THOC5: variants seen among roughly 807,000 people sequenced by gnomAD.
THOC5 encodes Fms-interacting protein.
Under a neutral mutation model 92.9 loss-of-function variants are expected in THOC5, and 43 were observed. That is an observed-to-expected ratio of 0.46 (90% CI 0.36 to 0.60). The LOEUF (loss-of-function observed/expected upper bound fraction) is 0.60. Ranked by LOEUF, THOC5 falls within the 20% of genes least tolerant of loss-of-function variation. THOC5 has a pLI of 0.00. For missense variants in THOC5, 659 were observed against 849.4 expected, an observed-to-expected ratio of 0.78 and a Z score of 2.79; for synonymous variants, 296 against 320.1, an observed-to-expected ratio of 0.92 and a Z score of 0.80.
chr22:29,544,577 G>A lies in THOC5; in HGVS notation c.123C>T (p.Ala41=), dbSNP rs760816688. Residue 41 remains alanine (A), a synonymous_variant, in exon 3 of 20, where the codon GCC becomes GCT. Coordinates refer to ENST00000490103, the MANE Select transcript of THOC5 (RefSeq NM_003678.5). ...EQEGKYYSEE[A]EVDLRDPGRD... ...TGCCAGGGTCCCGCAGATCCACCTC[G>A]GCCTCCTCACTGTAGTATTTACCTT... 31 of 1,612,898 alleles carry A rather than the reference G, an allele frequency of 1.9e-5. No homozygotes were observed. The highest frequency in any genetic ancestry group is 2.5e-5 in the Non-Finnish European group (30 of 1,179,498).
At chr22:29,521,206 C>A in intron 12 of THOC5, 107 bp from the exon 13 acceptor site, 1 of 797,066 alleles carries the variant, frequency 1.3e-6, no homozygotes, top group Non-Finnish European at 2.1e-6. Flanking sequence ...ATGACCAATG[C>A]CACCATTTAT....
intron 17 of THOC5, among the ~76,000 whole-genome samples, chr22:29,515,642 C>T (rs866839896): frequency 2.9e-5 from 3 of 104,774 alleles, no homozygotes; most frequent in African/African-American, 1.2e-4. Flanking sequence ...GCCTGGGCAA[C>T]AAAGCAAGAC....
chr22:29,508,728 C>G (rs1454508365), intron 19 of THOC5, among the ~76,000 whole-genome samples: 1 of 152,112 alleles, frequency 6.6e-6, no homozygotes, highest in Non-Finnish European at 1.5e-5. Flanking sequence ...TGAACACAAA[C>G]TTGGAAAGGC....
chr22:29,517,360 C>T lies in THOC5; in HGVS notation c.1496G>A (p.Gly499Asp), dbSNP rs1186605360. 2 of 1,613,738 alleles carry T rather than the reference C, an allele frequency of 1.2e-6. No individual in the cohort carries two copies. Among genetic ancestry groups the T allele is most frequent in the Non-Finnish European group, 1.7e-6 (2 of 1,179,870 alleles). The part of the protein sequence containing the change: ...LHKQFASLEH[G>D]IVPVTSDCQY... ...GCAATCACTGGTAACTGGCACAATG[C>T]CATGTTCTAAAAGAGAACAAGACAG... Residue 499 changes from glycine to aspartate, a missense_variant, in exon 16 of 20, where the codon GGC becomes GAC. Coordinates refer to ENST00000490103, the MANE Select transcript of THOC5 (RefSeq NM_003678.5).
At chr22:29,550,107 G>A (rs970062052) in intron 1 of THOC5, among the ~76,000 whole-genome samples, 2 of 152,084 alleles carry the variant, frequency 1.3e-5, no homozygotes, top group African/African-American at 4.8e-5. Flanking sequence ...ATACTACTGT[G>A]ATCACTGTGT....
At chr22:29,539,212 A>C (rs1056475684) in intron 6 of THOC5, 118 bp downstream of exon 6, 1 of 1,073,828 alleles carries the variant, frequency 9.3e-7, no homozygotes, top group Admixed American at 2.3e-5. Flanking sequence ...TAATCATAAA[A>C]TGGGATTTGG....
In THOC5 at chr22:29,519,058, CAGA is replaced by C; in HGVS notation, c.1434_1436del (p.Leu479del). On this transcript the variant is annotated inframe_deletion, in exon 15 of 20. Coordinates refer to ENST00000490103, the MANE Select transcript of THOC5 (RefSeq NM_003678.5). ...CCAGGCGGGACTGCACCCTGGTCTT[CAGA>C]AGTTTCATGGTGGTCTCCATGTGGC... 6.2e-7 allele frequency: 1 copy of C among 1,611,294 alleles called. No homozygotes were observed. The highest frequency in any genetic ancestry group is 8.5e-7 in the Non-Finnish European group (1 of 1,178,772).
At chr22:29,529,106 T>C (rs2063601967) in intron 9 of THOC5, 56 bp downstream of exon 9, 1 of 1,550,550 alleles carries the variant, frequency 6.4e-7, no homozygotes, top group Admixed American at 1.7e-5. Context: ...AGACCAGGAC[T>C]GCCCTTGGAT....
chr22:29,536,332 T>G (rs1200657366), intron 7 of THOC5: 2 of 290,108 alleles, frequency 6.9e-6, no homozygotes, highest in Non-Finnish European at 6.4e-6. Flanking sequence ...GTGAGGCCGG[T>G]GGGGGCCATG....
intron 9 of THOC5, 29 bp downstream of exon 9, chr22:29,529,133 T>C (rs1253680658): frequency 6.2e-7 from 1 of 1,612,024 alleles, no homozygotes; most frequent in Admixed American, 1.7e-5. Flanking sequence ...CTGGTGTCCC[T>C]GGGGGACGAA....
intron 9 of THOC5, 126 bp from the exon 10 acceptor site, chr22:29,528,592 T>C: frequency 1.1e-6 from 1 of 888,162 alleles, no homozygotes; most frequent in Non-Finnish European, 1.8e-6. Context: ...CTGTAATAAA[T>C]AATAAATTAA....
intron 7 of THOC5, 187 bp downstream of exon 7, chr22:29,536,437 C>T (rs1303132428): frequency 1.7e-6 from 1 of 580,206 alleles, no homozygotes; most frequent in Non-Finnish European, 3.1e-6. Flanking sequence ...GTATATATTC[C>T]TGAGGCCAGC....
At chr22:29,514,795 T>A (rs891782957) in intron 17 of THOC5, among the ~76,000 whole-genome samples, 4 of 147,762 alleles carry the variant, frequency 2.7e-5, no homozygotes, top group African/African-American at 1.0e-4. Flanking sequence ...AGCTCGAACC[T>A]TCCGGGTTCG....
At chr22:29,515,717 G>A (rs1250302159) in intron 17 of THOC5, among the ~76,000 whole-genome samples, 1 of 151,606 alleles carries the variant, frequency 6.6e-6, no homozygotes, top group African/African-American at 2.4e-5. Flanking sequence ...TGTAGCCCCA[G>A]CTACTCAAGA....
rs781286870 is a variant in THOC5, at chr22:29,519,988, G to A, written c.1374+20C>T. On this transcript the variant is annotated intron_variant, in intron 14 of 19. Coordinates refer to ENST00000490103, the MANE Select transcript of THOC5 (RefSeq NM_003678.5). Reference sequence around the variant, plus strand: ...AAGAGGTAAGCTCCTCAGCCAACTAGATGAGATCAGTGTACAGACCTGGGG... The same window carrying A: ...AAGAGGTAAGCTCCTCAGCCAACTAAATGAGATCAGTGTACAGACCTGGGG... 7.5e-6 allele frequency: 12 copies of A among 1,604,216 alleles called. No homozygotes were observed. The highest frequency in any genetic ancestry group is 1.3e-5 in the African/African-American group (1 of 74,684).
In THOC5 at chr22:29,544,525, A is replaced by C. The variant is rs2063973279; in HGVS notation, c.175T>G (p.Cys59Gly). 1 of 1,613,962 alleles carries C rather than the reference A, an allele frequency of 6.2e-7. No individual in the cohort carries two copies. The highest frequency in any genetic ancestry group is 8.5e-7 in the Non-Finnish European group (1 of 1,180,016). Residue 59 changes from cysteine (C) to glycine (G), a missense_variant, in exon 3 of 20, where the codon TGC (cysteine) becomes GGC (glycine). Cys to Gly is a radical substitution (Grantham distance 159). Transcript: ENST00000490103. ...GRDYELYKYT[C>G]QELQRLMAEI... Reference sequence around the variant, plus strand: ...GCCATCAGCCTCTGTAGCTCCTGGCAGGTGTACTTGTATAACTCATAGTCT... The same window carrying C: ...GCCATCAGCCTCTGTAGCTCCTGGCCGGTGTACTTGTATAACTCATAGTCT...
chr22:29,523,474 G>T (rs899939027), intron 12 of THOC5, among the ~76,000 whole-genome samples: 20 of 152,216 alleles, frequency 1.3e-4, no homozygotes, highest in African/African-American at 4.3e-4. Flanking sequence ...AACCTAATCT[G>T]ATCAAGTCTC....
At chr22:29,509,201 G>A (rs563279946) in intron 19 of THOC5, among the ~76,000 whole-genome samples, 90 of 151,358 alleles carry the variant, frequency 5.9e-4, no homozygotes, top group African/African-American at 2.0e-3. Flanking sequence ...TCCTTTGGCC[G>A]GGAGGTGGAG....
intron 12 of THOC5, among the ~76,000 whole-genome samples, chr22:29,525,627 G>A (rs1036411491): frequency 1.3e-5 from 2 of 152,206 alleles, no homozygotes; most frequent in African/African-American, 2.4e-5. Context: ...ATCATCTGCT[G>A]TGTAGTAAGA....
Sources: gnomAD v4.1 joint callset for allele counts (sites outside exome capture counted in the v4.1 genomes callset) on GRCh38, gnomAD v4.1.1 for gene constraint, MANE v1.5 for transcripts, NCBI Gene and HGNC (gene_info 2026-07-23, HGNC 2026-07-21) for gene names.